HSPA12A: variants seen among roughly 807,000 people sequenced by gnomAD.
The protein encoded by HSPA12A is heat shock protein family A (Hsp70) member 12A.
HSPA12A carries 28 observed loss-of-function variants against 69.2 expected under a neutral mutation model. That is an observed-to-expected ratio of 0.40 (90% CI 0.30 to 0.55). The LOEUF is 0.55. Among genes scored for constraint, HSPA12A ranks in the 20% least tolerant of loss-of-function variants. The pLI is 0.38. For synonymous variants in HSPA12A, 345 were observed against 370.5 expected (o/e 0.93, Z 0.79); for missense variants, 686 against 900.7 (o/e 0.76, Z 3.05).
At chr10:116,817,433 C>A (rs1845326559) in intron 2 of HSPA12A, among the ~76,000 whole-genome samples, 1 of 149,974 alleles carries the variant, frequency 6.7e-6, no homozygotes, top group Non-Finnish European at 1.5e-5. Flanking sequence ...CTTAGTGGAG[C>A]TACTCCTGAT....
intron 1 of HSPA12A, among the ~76,000 whole-genome samples, chr10:116,719,566 A>C (rs559031302): frequency 6.6e-6 from 1 of 152,250 alleles, no homozygotes; most frequent in Non-Finnish European, 1.5e-5. Context: ...ACTGATTCCT[A>C]GTTATGCAAT....
At chr10:116,781,625 G>A (rs1281233046) in intron 2 of HSPA12A, among the ~76,000 whole-genome samples, 1 of 152,172 alleles carries the variant, frequency 6.6e-6, no homozygotes, top group Non-Finnish European at 1.5e-5. Flanking sequence ...CCCATCCGTG[G>A]TGTGGTGATT....
intron 1 of HSPA12A, among the ~76,000 whole-genome samples, chr10:116,722,933 G>A (rs568082557): frequency 3.3e-5 from 5 of 152,176 alleles, no homozygotes; most frequent in South Asian, 4.2e-4. Context: ...GCTGGCTCCC[G>A]GGAGGGCAAG....
chr10:116,743,464 G>A (rs1401544681), upstream of HSPA12A, among the ~76,000 whole-genome samples: 1 of 152,192 alleles, frequency 6.6e-6, no homozygotes, highest in Admixed American at 6.5e-5. Context: ...CTACCTGCCT[G>A]GTGCTTTACC....
At chr10:116,689,520 A>G (rs1160139060) in intron 6 of HSPA12A, among the ~76,000 whole-genome samples, 2 of 152,150 alleles carry the variant, frequency 1.3e-5, no homozygotes, top group African/African-American at 4.8e-5. Context: ...GAGCACTCGC[A>G]GAAGCTGCTA....
intron 10 of HSPA12A, among the ~76,000 whole-genome samples, chr10:116,677,300 C>T (rs1274428321): frequency 7.2e-5 from 11 of 152,310 alleles, no homozygotes; most frequent in African/African-American, 2.4e-4. Flanking sequence ...TCTCAGAGGC[C>T]AAGCAAATGG....
chr10:116,758,751 C>A (rs1011867591), intron 2 of HSPA12A, among the ~76,000 whole-genome samples: 2 of 152,102 alleles, frequency 1.3e-5, no homozygotes, highest in African/African-American at 4.8e-5. Context: ...GAACAGATAG[C>A]AACACACAGA....
chr10:116,674,814 A>C lies in HSPA12A; in HGVS notation c.1995T>G (p.Ser665Arg), dbSNP rs1849176559. The change falls in exon 12 of 12, where the codon AGT becomes AGG. Residue 665 changes from serine to arginine, a missense_variant. Ser to Arg is a moderately radical substitution (Grantham distance 110). Transcript: ENST00000369209. Reference protein sequence around the residue: ...ATAIDIATSKSVKVGIDFLNY With the variant: ...ATAIDIATSKRVKVGIDFLNY ...TTAAGAAGTCGATCCCAACTTTGAC[A>C]CTCTTCGAAGTGGCTATATCAATGG... The C allele has an allele frequency of 6.2e-7, 1 of 1,609,008 alleles. No individual in the cohort carries two copies.
At chr10:116,834,601 G>C (rs749054069) in intron 2 of HSPA12A, among the ~76,000 whole-genome samples, 2 of 152,218 alleles carry the variant, frequency 1.3e-5, no homozygotes, top group Non-Finnish European at 2.9e-5. Context: ...GAGCAGGGCA[G>C]TAAGACAGCA....
chr10:116,795,456 A>G (rs2906811), intron 2 of HSPA12A, among the ~76,000 whole-genome samples: 123,114 of 151,176 alleles, frequency 0.81, 52,401 homozygotes, highest in Non-Finnish European at 0.93. Flanking sequence ...AGGTGGGTGG[A>G]TCACTTGAGG....
At chr10:116,820,331 G>A (rs1015865022) in intron 2 of HSPA12A, among the ~76,000 whole-genome samples, 2 of 152,132 alleles carry the variant, frequency 1.3e-5, no homozygotes, top group Non-Finnish European at 2.9e-5. Flanking sequence ...ACCATGATGG[G>A]GTGGGAGGAC....
intron 2 of HSPA12A, among the ~76,000 whole-genome samples, chr10:116,799,465 A>G (rs1465551067): frequency 5.3e-5 from 8 of 152,308 alleles, no homozygotes; most frequent in African/African-American, 1.7e-4. Flanking sequence ...AAACACACAC[A>G]CGCACACACA....
At chr10:116,719,764 TG>T (rs1382748061) in intron 1 of HSPA12A, among the ~76,000 whole-genome samples, 3 of 152,006 alleles carry the variant, frequency 2.0e-5, no homozygotes, top group African/African-American at 7.3e-5. Flanking sequence ...CCCAATGAGG[TG>T]GGAAATATTT....
intron 2 of HSPA12A, among the ~76,000 whole-genome samples, chr10:116,788,000 A>G (rs1318078043): frequency 6.6e-6 from 1 of 152,154 alleles, no homozygotes; most frequent in Admixed American, 6.5e-5. Context: ...CCAGGACGGC[A>G]GGGCGGGAGC....
intron 2 of HSPA12A, among the ~76,000 whole-genome samples, chr10:116,813,594 C>G (rs1007275708): frequency 6.6e-6 from 1 of 151,774 alleles, no homozygotes; most frequent in Non-Finnish European, 1.5e-5. Context: ...ATTAAAAACT[C>G]TAAGCCAGGC....
At chr10:116,715,982 G>A (rs1305308431) in intron 1 of HSPA12A, among the ~76,000 whole-genome samples, 1 of 152,190 alleles carries the variant, frequency 6.6e-6, no homozygotes, top group Non-Finnish European at 1.5e-5. Flanking sequence ...ATTTCAGCAG[G>A]CACCCACTGG....
chr10:116,770,971 C>A (rs571695544), intron 2 of HSPA12A, among the ~76,000 whole-genome samples: 1 of 144,942 alleles, frequency 6.9e-6, no homozygotes, highest in East Asian at 2.0e-4. Context: ...GGGGAGGGGG[C>A]AGTGGACTGC....
rs142831500 is a variant in HSPA12A at position 116,677,827 on chromosome 10, G to A, written c.1287-1325C>T. ...CAACGTGAGAAGGCTCCTACTGGCC[G>A]AGATGGGACAGTGTGGGTGTCAATA... On this transcript the variant is annotated intron_variant, in intron 10 of 11. Coordinates refer to ENST00000369209, the MANE Select transcript of HSPA12A (RefSeq NM_025015.3). Among the ~76,000 whole-genome samples the A allele has an allele frequency of 2.2e-3, 333 of 152,324 alleles. 1 individual carries two copies. The highest frequency in any genetic ancestry group is 3.4e-3 in the Non-Finnish European group (232 of 68,032).
intron 9 of HSPA12A, 127 bp from the exon 10 acceptor site, chr10:116,679,888 T>C: frequency 1.1e-6 from 1 of 879,636 alleles, no homozygotes; most frequent in Non-Finnish European, 1.8e-6. Flanking sequence ...CTATAAGTGT[T>C]TACTTACACT....
Sources: allele counts gnomAD v4.1 joint callset (sites outside exome capture counted in the v4.1 genomes callset), GRCh38; gene constraint gnomAD v4.1.1; transcripts MANE v1.5; gene names NCBI Gene and HGNC (gene_info 2026-07-23, HGNC 2026-07-21).